TSPAN9: variants seen among roughly 807,000 people sequenced by gnomAD.
The protein encoded by TSPAN9 is tetraspanin 9.
In TSPAN9, 16 loss-of-function variants were observed where a neutral mutation model predicts 31.0. The ratio of observed to expected loss-of-function variants is 0.52; its 90% confidence interval spans 0.35 to 0.78. TSPAN9 has a LOEUF of 0.78. Ranked by LOEUF, TSPAN9 falls within the 30% of genes least tolerant of loss-of-function variation. TSPAN9 has a pLI of 0.01. For missense variants in TSPAN9, 272 were observed against 312.5 expected (o/e 0.87, Z 0.98); for synonymous variants, 145 against 121.6 (o/e 1.19, Z -1.27).
chr12:3,109,010 A>C (rs1428287829), intron 2 of TSPAN9, among the ~76,000 whole-genome samples: 1 of 151,480 alleles, frequency 6.6e-6, no homozygotes, highest in Non-Finnish European at 1.5e-5. Flanking sequence ...ATCTCCGCTC[A>C]CTGCAAGCTC....
At chr12:3,216,736 G>A (rs2098381624) in intron 3 of TSPAN9, among the ~76,000 whole-genome samples, 2 of 152,226 alleles carry the variant, frequency 1.3e-5, no homozygotes, top group African/African-American at 4.8e-5. Context: ...ATCCCCTAAG[G>A]GGTCACCTGC....
intron 2 of TSPAN9, among the ~76,000 whole-genome samples, chr12:3,105,019 C>A (rs1055936216): frequency 1.3e-5 from 2 of 152,218 alleles, no homozygotes; most frequent in East Asian, 3.8e-4. Context: ...AGGGCAGGCC[C>A]TCTGCTTTAA....
rs548596975 is a variant in TSPAN9, at chr12:3,209,465, G to A, written c.63+8209G>A. 4.6e-5 allele frequency among the ~76,000 whole-genome samples: 7 copies of A among 152,176 alleles called. No individual in the cohort carries two copies. In the East Asian group the frequency reaches 1.4e-3, roughly 29 times the overall value. ...AGTCTTCTGGTGTACATGTGGAGGCGTTTCTTTAGGACAGTGCTTCTGGAA... is the reference window on the plus strand; with the variant it reads ...AGTCTTCTGGTGTACATGTGGAGGCATTTCTTTAGGACAGTGCTTCTGGAA... On this transcript the variant is annotated intron_variant, in intron 3 of 8. Coordinates refer to ENST00000011898, the MANE Select transcript of TSPAN9 (RefSeq NM_006675.5).
chr12:3,246,955 T>TTTC (rs1004799597), intron 3 of TSPAN9, among the ~76,000 whole-genome samples: 3 of 152,086 alleles, frequency 2.0e-5, no homozygotes, highest in Non-Finnish European at 4.4e-5. Context: ...CAGGATAGAT[T>TTTC]TTCTGCAATG....
intron 2 of TSPAN9, among the ~76,000 whole-genome samples, chr12:3,136,339 C>T (rs1242374401): frequency 2.6e-5 from 4 of 152,192 alleles, no homozygotes; most frequent in East Asian, 3.9e-4. Context: ...CACCACTCAT[C>T]GTGGGCATTC....
rs560687812 is a variant in TSPAN9, at chr12:3,109,307, A to AGAGTGTGT, written c.-18+25589_-18+25590insAGTGTGTG. 1.1e-3 allele frequency among the ~76,000 whole-genome samples: 161 copies of AGAGTGTGT among 143,314 alleles called. 1 individual carries two copies. The highest frequency in any genetic ancestry group is 4.1e-3 in the African/African-American group (149 of 36,142). 94.0% of individuals were successfully genotyped at this position (143,314 alleles called of 152,430 possible). On this transcript the variant is annotated intron_variant, in intron 2 of 8. Transcript: ENST00000011898. ...GTGTGTGTGTGTGTGTGTGAGAGAG[A>AGAGTGTGT]GTGTGTGTGTGTGTGTGTGTTTGTG...
intron 2 of TSPAN9, among the ~76,000 whole-genome samples, chr12:3,166,909 G>C (rs1284147416): frequency 6.6e-6 from 1 of 152,200 alleles, no homozygotes; most frequent in Non-Finnish European, 1.5e-5. Flanking sequence ...TGATTCTCCT[G>C]CCTCAGCCTC....
chr12:3,187,090 C>T lies in TSPAN9; in HGVS notation c.-17-14087C>T, dbSNP rs186210466. On this transcript the variant is annotated intron_variant, in intron 2 of 8. Transcript: ENST00000011898. The surrounding 1 kb of genome is among the most constrained non-coding windows in gnomAD (Gnocchi z 5.2). ...GCTGATTGTTGAACGTCTGCCAGCC[C>T]ACCACTGGATTGTTACCTCTACTCT... Among the ~76,000 whole-genome samples the T allele has an allele frequency of 9.9e-4, 151 of 152,270 alleles. No individual in the cohort carries two copies. Among genetic ancestry groups the T allele is most frequent in the African/African-American group, 3.3e-3 (139 of 41,546 alleles).
chr12:3,147,745 A>C lies in TSPAN9; in HGVS notation c.-17-53432A>C, dbSNP rs1400658882. Among the ~76,000 whole-genome samples the C allele has an allele frequency of 6.6e-6, 1 of 152,202 alleles. No individual in the cohort carries two copies. The highest frequency in any genetic ancestry group is 1.5e-5 in the Non-Finnish European group (1 of 68,038). On this transcript the variant is annotated intron_variant, in intron 2 of 8. Coordinates refer to ENST00000011898, the MANE Select transcript of TSPAN9 (RefSeq NM_006675.5). This position sits in a 1 kb window ranked among gnomAD's most constrained non-coding sequence, Gnocchi z 4.3. ...GAAATGTAGGTGGCCACATGTTGCT[A>C]GTGGCTGCCACGTCGGACGGTACTG... is the stretch of plus-strand genomic sequence containing the variant.
At chr12:3,279,863 T>G (rs1862862332) in intron 5 of TSPAN9, among the ~76,000 whole-genome samples, 1 of 152,214 alleles carries the variant, frequency 6.6e-6, no homozygotes. Flanking sequence ...GAGAATTGTT[T>G]CCCTTAATTC....
chr12:3,156,597 AT>A (rs2098342412), intron 2 of TSPAN9, among the ~76,000 whole-genome samples: 1 of 151,374 alleles, frequency 6.6e-6, no homozygotes, highest in South Asian at 2.1e-4. Context: ...CCCCTCCCAG[AT>A]TCAAACCTCC....
intron 7 of TSPAN9, 45 bp downstream of exon 7, chr12:3,281,374 G>T (rs1008862394): frequency 6.6e-7 from 1 of 1,523,976 alleles, no homozygotes; most frequent in South Asian, 1.2e-5. Context: ...CCCGTGTGTG[G>T]ATGCCCCGGC....
intron 3 of TSPAN9, among the ~76,000 whole-genome samples, chr12:3,214,156 G>C (rs1028789723): frequency 6.6e-6 from 1 of 152,216 alleles, no homozygotes; most frequent in African/African-American, 2.4e-5. Context: ...GCTCATCTCT[G>C]AGGTCTCTCT....
chr12:3,248,237 ACT>A (rs1211350451), intron 3 of TSPAN9, among the ~76,000 whole-genome samples: 12 of 152,026 alleles, frequency 7.9e-5, no homozygotes, highest in Non-Finnish European at 1.6e-4. Flanking sequence ...CCCTAGGCAC[ACT>A]CTCTACTTAT....
chr12:3,217,677 G>A (rs1443337159), intron 3 of TSPAN9, among the ~76,000 whole-genome samples: 1 of 152,162 alleles, frequency 6.6e-6, no homozygotes, highest in East Asian at 1.9e-4. Flanking sequence ...CAACTCCCCT[G>A]GCTTCAGCTG....
intron 5 of TSPAN9, among the ~76,000 whole-genome samples, chr12:3,279,664 G>A (rs1862859483): frequency 6.6e-6 from 1 of 152,220 alleles, no homozygotes; most frequent in South Asian, 2.1e-4. Context: ...GGCGTGGCAG[G>A]CCCTTTGGTA....
chr12:3,165,715 G>A (rs922602222), intron 2 of TSPAN9, among the ~76,000 whole-genome samples: 22 of 152,156 alleles, frequency 1.4e-4, no homozygotes, highest in Non-Finnish European at 2.1e-4. Flanking sequence ...TAGGCAGTCC[G>A]TCTGTGTCTT....
At chr12:3,261,645 T>C (rs3825342) in intron 3 of TSPAN9, among the ~76,000 whole-genome samples, 61,292 of 152,070 alleles carry the variant, frequency 0.4, 14,048 homozygotes, top group South Asian at 0.56. Context: ...GGCCTACTGC[T>C]TTTCAGTGCA....
chr12:3,128,839 T>G (rs1195678134), intron 2 of TSPAN9, among the ~76,000 whole-genome samples: 1 of 152,236 alleles, frequency 6.6e-6, no homozygotes, highest in Non-Finnish European at 1.5e-5. Flanking sequence ...ATATACATTA[T>G]TGTGCAATCA....
Sources: allele counts gnomAD v4.1 joint callset (sites outside exome capture counted in the v4.1 genomes callset), GRCh38; gene constraint gnomAD v4.1.1; non-coding constraint Gnocchi (gnomAD v3.1); transcripts MANE v1.5; gene names NCBI Gene and HGNC (gene_info 2026-07-23, HGNC 2026-07-21).